The following BRINP3 variants were observed in gnomAD, a reference collection of about 807,000 sequenced individuals.
BRINP3 encodes BMP/retinoic acid-inducible neural-specific protein 3.
In BRINP3, 19 loss-of-function variants were observed where a neutral mutation model predicts 71.0. The ratio of observed to expected loss-of-function variants is 0.27; its 90% CI spans 0.19 to 0.39. The LOEUF (loss-of-function observed/expected upper bound fraction) is 0.39. BRINP3 is among the 10% of genes least tolerant of loss of function. BRINP3 has a pLI of 1.00. For synonymous variants in BRINP3, 380 were observed against 337.7 expected (o/e 1.13, Z -1.37); for missense variants, 959 against 940.8 (o/e 1.02, Z -0.25).
chr1:190,218,045 A>G (rs1220323202), intron 6 of BRINP3, among the ~76,000 whole-genome samples: 1 of 152,000 alleles, frequency 6.6e-6, no homozygotes, highest in African/African-American at 2.4e-5. Context: ...CTAATTTTTT[A>G]TTTTATTAAA....
chr1:190,402,004 TC>T (rs1481233454), intron 2 of BRINP3, among the ~76,000 whole-genome samples: 1 of 151,984 alleles, frequency 6.6e-6, no homozygotes, highest in Admixed American at 6.6e-5. Context: ...TATATATATT[TC>T]ATTACACTAG....
At chr1:190,181,432 C>G (rs560321703) in intron 6 of BRINP3, among the ~76,000 whole-genome samples, 1 of 151,814 alleles carries the variant, frequency 6.6e-6, no homozygotes, top group Admixed American at 6.6e-5. Flanking sequence ...TTATTTTTTT[C>G]TCTTGTCATT....
At chr1:190,468,008 G>C (rs185148845) in intron 1 of BRINP3, among the ~76,000 whole-genome samples, 1 of 151,350 alleles carries the variant, frequency 6.6e-6, no homozygotes, top group Admixed American at 6.6e-5. Context: ...AAATCATCTT[G>C]TTTGAACTTG....
intron 2 of BRINP3, among the ~76,000 whole-genome samples, chr1:190,406,924 TG>T (rs1672319130): frequency 6.6e-6 from 1 of 152,194 alleles, no homozygotes; most frequent in Non-Finnish European, 1.5e-5. Flanking sequence ...AGCTCTTTTT[TG>T]GTCAAGCTAG....
At chr1:190,203,419 G>GTA (rs1300893905) in intron 6 of BRINP3, among the ~76,000 whole-genome samples, 2 of 144,594 alleles carry the variant, frequency 1.4e-5, no homozygotes, top group African/African-American at 5.4e-5. Context: ...GTATGTGTGT[G>GTA]TGTATATATA....
chr1:190,265,075 AATT>A lies in BRINP3; in HGVS notation c.428-23_428-21del. The A allele has an allele frequency of 6.4e-7, 1 of 1,568,554 alleles. No homozygotes were observed. Among genetic ancestry groups the A allele is most frequent in the East Asian group, 2.3e-5 (1 of 43,114 alleles). On this transcript the variant is annotated intron_variant, in intron 3 of 7. Transcript: ENST00000367462. ...CCTCTCCTGCATTAATAATATTTCA[AATT>A]ATTCAATTTTCCACTTAAAATCTTT...
At chr1:190,122,864 T>C (rs971458784) in intron 7 of BRINP3, among the ~76,000 whole-genome samples, 1 of 152,116 alleles carries the variant, frequency 6.6e-6, no homozygotes, top group Non-Finnish European at 1.5e-5. Flanking sequence ...GGTATAGATA[T>C]AGATAGTGTT....
intron 2 of BRINP3, among the ~76,000 whole-genome samples, chr1:190,345,833 A>G (rs1328343848): frequency 6.6e-6 from 1 of 151,884 alleles, no homozygotes; most frequent in African/African-American, 2.4e-5. Flanking sequence ...CTTTCTTTAG[A>G]ACATTCATTG....
At chr1:190,437,417 T>C (rs1361179071) in intron 2 of BRINP3, among the ~76,000 whole-genome samples, 1 of 151,828 alleles carries the variant, frequency 6.6e-6, no homozygotes, top group African/African-American at 2.4e-5. Context: ...CTTCACTTAA[T>C]CCTTCTTTTG....
intron 7 of BRINP3, among the ~76,000 whole-genome samples, chr1:190,155,276 C>G (rs955125914): frequency 6.6e-6 from 1 of 151,940 alleles, no homozygotes; most frequent in African/African-American, 2.4e-5. Context: ...TGAATAACTT[C>G]ATAATAATAA....
chr1:190,297,397 G>A (rs904192250), intron 2 of BRINP3, among the ~76,000 whole-genome samples: 5 of 151,922 alleles, frequency 3.3e-5, no homozygotes, highest in African/African-American at 9.7e-5. Context: ...AGACTTAAAT[G>A]TAAGAACTGA....
intron 7 of BRINP3, among the ~76,000 whole-genome samples, chr1:190,154,639 C>G (rs1420478882): frequency 6.6e-6 from 1 of 151,990 alleles, no homozygotes; most frequent in Non-Finnish European, 1.5e-5. Flanking sequence ...GAAATGTTTT[C>G]AAGAATGTTC....
chr1:190,199,560 T>A (rs1654801293), intron 6 of BRINP3, among the ~76,000 whole-genome samples: 1 of 152,052 alleles, frequency 6.6e-6, no homozygotes, highest in Non-Finnish European at 1.5e-5. Context: ...TTTATTTTTC[T>A]GTAATATTTG....
intron 2 of BRINP3, among the ~76,000 whole-genome samples, chr1:190,423,585 T>C (rs1457197087): frequency 2.0e-5 from 3 of 151,874 alleles, no homozygotes; most frequent in Non-Finnish European, 4.4e-5. Context: ...TGCGAATTAC[T>C]TTAATTTTTG....
At chr1:190,363,773 T>A (rs1408232269) in intron 2 of BRINP3, among the ~76,000 whole-genome samples, 1 of 152,070 alleles carries the variant, frequency 6.6e-6, no homozygotes, top group African/African-American at 2.4e-5. Flanking sequence ...TTAAATAAAA[T>A]TAGGAGATAA....
chr1:190,293,074 G>A (rs1267129810), intron 2 of BRINP3, among the ~76,000 whole-genome samples: 2 of 151,530 alleles, frequency 1.3e-5, no homozygotes, highest in African/African-American at 2.4e-5. Flanking sequence ...CTAATTTTGG[G>A]ATTGGTTTGC....
At chr1:190,270,593 T>C (rs1305446184) in intron 3 of BRINP3, among the ~76,000 whole-genome samples, 1 of 151,814 alleles carries the variant, frequency 6.6e-6, no homozygotes, top group Non-Finnish European at 1.5e-5. Flanking sequence ...TTGTTACATA[T>C]GAGTATATGG....
intron 7 of BRINP3, among the ~76,000 whole-genome samples, chr1:190,134,835 T>A (rs1399305003): frequency 1.3e-5 from 2 of 152,114 alleles, no homozygotes; most frequent in Non-Finnish European, 2.9e-5. Flanking sequence ...TTGGTGTCAC[T>A]GATCCTACAG....
chr1:190,301,263 T>A (rs747169123), intron 2 of BRINP3, among the ~76,000 whole-genome samples: 30 of 107,302 alleles, frequency 2.8e-4, no homozygotes, highest in Non-Finnish European at 6.0e-4. Context: ...ATATATCTTA[T>A]CACAGTCCAC....
Sources: gnomAD v4.1 joint callset for allele counts (sites outside exome capture counted in the v4.1 genomes callset) on GRCh38, gnomAD v4.1.1 for gene constraint, MANE v1.5 for transcripts, NCBI Gene and HGNC (gene_info 2026-07-23, HGNC 2026-07-21) for gene names.